Variants in RAD51B observed in about 807,000 individuals in gnomAD.
The protein encoded by RAD51B is DNA repair protein RAD51 homolog 2.
Under a neutral mutation model 42.2 loss-of-function variants are expected in RAD51B, and 38 were observed. The observed-to-expected ratio is 0.90, with a 90% confidence interval of 0.70 to 1.18. The LOEUF is 1.18. RAD51B is among the 50% of genes most tolerant of loss of function. RAD51B has a pLI of 0.00. For missense variants in RAD51B, 373 were observed against 400.7 expected (o/e 0.93, Z 0.59); for synonymous variants, 154 against 145.2 (o/e 1.06, Z -0.43).
chr14:67,876,343 G>A (rs1393790627), intron 5 of RAD51B, among the ~76,000 whole-genome samples: 1 of 152,112 alleles, frequency 6.6e-6, no homozygotes, highest in African/African-American at 2.4e-5. Context: ...TTGGCATGTG[G>A]TCACTAATGA....
intron 7 of RAD51B, among the ~76,000 whole-genome samples, chr14:67,915,767 C>T (rs36124170): frequency 6.6e-6 from 1 of 152,300 alleles, no homozygotes; most frequent in East Asian, 1.9e-4. Flanking sequence ...AAAGTTACAA[C>T]ATGTAAATAG....
At chr14:68,451,392 T>C (rs1594857716) in intron 9 of RAD51B, among the ~76,000 whole-genome samples, 1 of 152,232 alleles carries the variant, frequency 6.6e-6, no homozygotes, top group Non-Finnish European at 1.5e-5. Flanking sequence ...TTTAGAAACA[T>C]TCACATTAAA....
At chr14:68,536,934 A>C (rs1887657235) in intron 10 of RAD51B, among the ~76,000 whole-genome samples, 1 of 151,558 alleles carries the variant, frequency 6.6e-6, no homozygotes, top group Admixed American at 6.6e-5. Flanking sequence ...TGAAAAAATT[A>C]GCTGGGTGTG....
At chr14:68,570,815 A>G (rs1410383789) in intron 10 of RAD51B, among the ~76,000 whole-genome samples, 2 of 152,098 alleles carry the variant, frequency 1.3e-5, no homozygotes, top group Non-Finnish European at 2.9e-5. Flanking sequence ...TGTGATCAAT[A>G]ACCTAAAGGG....
intron 7 of RAD51B, among the ~76,000 whole-genome samples, chr14:68,072,210 T>TTATATATATATA (rs60687017): frequency 6.6e-4 from 90 of 136,864 alleles, no homozygotes; most frequent in African/African-American, 2.1e-3. Context: ...TTTCTAGGTT[T>TTATATATATATA]TATATATATA....
intron 7 of RAD51B, among the ~76,000 whole-genome samples, chr14:68,013,032 G>C (rs1383576623): frequency 1.3e-5 from 2 of 152,108 alleles, no homozygotes; most frequent in Non-Finnish European, 2.9e-5. Context: ...AGATTCTGTG[G>C]GTCAGGAATT....
At chr14:68,172,136 G>A (rs975585436) in intron 7 of RAD51B, among the ~76,000 whole-genome samples, 2 of 152,134 alleles carry the variant, frequency 1.3e-5, no homozygotes, top group African/African-American at 4.8e-5. Context: ...ATTCTGTTAG[G>A]TCTTCAGTTC....
At position 68,109,729 on chromosome 14, in the gene RAD51B, A is replaced by T. The variant is rs532880361; in HGVS notation, c.757-182155A>T. On this transcript the variant is annotated intron_variant, in intron 7 of 10. Coordinates refer to ENST00000471583, the MANE Select transcript of RAD51B (RefSeq NM_133510.4). Reference sequence around the variant, plus strand: ...CCCAGGCATTCTTGCTAGTGATGGAAATAGAGGGCTGAACAGGAAAGAGTG... The same window carrying T: ...CCCAGGCATTCTTGCTAGTGATGGATATAGAGGGCTGAACAGGAAAGAGTG... 2.0e-5 allele frequency among the ~76,000 whole-genome samples: 3 copies of T among 152,100 alleles called. 1 individual carries two copies. The South Asian group carries it at 6.2e-4, about 32-fold the overall frequency.
At chr14:68,228,106 G>C (rs191466899) in intron 7 of RAD51B, among the ~76,000 whole-genome samples, 6 of 152,076 alleles carry the variant, frequency 3.9e-5, no homozygotes, top group Non-Finnish European at 8.8e-5. Flanking sequence ...AATTGTCCAA[G>C]ATTACAAGCT....
At chr14:68,606,787 C>G (rs1166820629) in intron 10 of RAD51B, among the ~76,000 whole-genome samples, 1 of 152,208 alleles carries the variant, frequency 6.6e-6, no homozygotes, top group Non-Finnish European at 1.5e-5. Flanking sequence ...AACTGTACCT[C>G]AGGACCCACC....
intron 7 of RAD51B, among the ~76,000 whole-genome samples, chr14:68,140,355 C>T (rs897154213): frequency 2.0e-5 from 3 of 152,150 alleles, no homozygotes; most frequent in African/African-American, 7.2e-5. Context: ...AAGATTTGAA[C>T]GTTTGGAAAA....
intron 7 of RAD51B, among the ~76,000 whole-genome samples, chr14:68,118,413 A>T (rs1316606994): frequency 6.6e-6 from 1 of 152,224 alleles, no homozygotes; most frequent in Non-Finnish European, 1.5e-5. Context: ...GACAGTTCTA[A>T]TGAGGACATT....
chr14:68,596,420 C>A (rs1170817730), downstream of RAD51B, among the ~76,000 whole-genome samples: 1 of 152,216 alleles, frequency 6.6e-6, no homozygotes, highest in South Asian at 2.1e-4. Context: ...TAGCACCCTA[C>A]GCTCAGAGTT....
At chr14:67,832,656 A>AG (rs2041094031) in intron 3 of RAD51B, among the ~76,000 whole-genome samples, 1 of 152,230 alleles carries the variant, frequency 6.6e-6, no homozygotes, top group South Asian at 2.1e-4. Context: ...TACAGCACAT[A>AG]GTAGATGTGC....
chr14:67,969,943 A>C (rs1327053266), intron 7 of RAD51B, among the ~76,000 whole-genome samples: 3 of 152,188 alleles, frequency 2.0e-5, no homozygotes, highest in African/African-American at 7.2e-5. Flanking sequence ...TGGATAAAAT[A>C]TTGGTAAGAT....
intron 7 of RAD51B, among the ~76,000 whole-genome samples, chr14:68,083,165 G>T (rs748081074): frequency 1.8e-4 from 27 of 152,232 alleles, no homozygotes; most frequent in Non-Finnish European, 2.8e-4. Context: ...ATAAAGTGAG[G>T]TTAAAAAAAT....
intron 10 of RAD51B, among the ~76,000 whole-genome samples, chr14:68,483,127 C>A (rs1883334411): frequency 6.6e-6 from 1 of 152,314 alleles, no homozygotes; most frequent in Non-Finnish European, 1.5e-5. Context: ...TCCTTCTACT[C>A]TCCTGGCCAT....
At chr14:68,371,671 G>T (rs143979215) in intron 8 of RAD51B, among the ~76,000 whole-genome samples, 14 of 152,300 alleles carry the variant, frequency 9.2e-5, no homozygotes, top group Non-Finnish European at 1.9e-4. Flanking sequence ...AACACAGTGA[G>T]ACCCTGTCTC....
intron 8 of RAD51B, among the ~76,000 whole-genome samples, chr14:68,316,535 G>C (rs929518694): frequency 3.0e-4 from 46 of 152,186 alleles, no homozygotes; most frequent in Admixed American, 1.7e-3. Context: ...TTTGACCTGT[G>C]GGTGGGCCCT....
Sources: allele counts gnomAD v4.1 joint callset (sites outside exome capture counted in the v4.1 genomes callset), GRCh38; gene constraint gnomAD v4.1.1; transcripts MANE v1.5; gene names NCBI Gene and HGNC (gene_info 2026-07-23, HGNC 2026-07-21).